Variants in LOC400499 observed in about 807,000 individuals in gnomAD.
the LOC400499 span, among the ~76,000 whole-genome samples, chr16:11,419,465 A>C: frequency 6.7e-6 from 1 of 148,576 alleles, no homozygotes. Context: ...TGGATTAAAG[A>C]CTTAAACGTT....
chr16:11,500,582 C>T, the LOC400499 span, among the ~76,000 whole-genome samples: 1 of 151,406 alleles, frequency 6.6e-6, no homozygotes, highest in African/African-American at 2.4e-5. Flanking sequence ...CCTGGGATCA[C>T]ACAGGTGGGA....
At chr16:11,485,911 G>A in the LOC400499 span, among the ~76,000 whole-genome samples, 4 of 152,196 alleles carry the variant, frequency 2.6e-5, no homozygotes, top group Admixed American at 6.6e-5. Flanking sequence ...AGATGGATGG[G>A]AAATTACAGG....
chr16:11,471,672 G>C, the LOC400499 span: 293 of 399,212 alleles, frequency 7.3e-4, no homozygotes, highest in East Asian at 0.01. Context: ...GCAGGGTATA[G>C]GCAGCTTCCA....
chr16:11,448,803 T>C, the LOC400499 span: 2 of 785,250 alleles, frequency 2.5e-6, no homozygotes, highest in East Asian at 5.8e-5. Context: ...AGGCCCAAGG[T>C]CACAGGCCAA....
chr16:11,422,776 G>A, the LOC400499 span, among the ~76,000 whole-genome samples: 2 of 152,178 alleles, frequency 1.3e-5, no homozygotes, highest in Non-Finnish European at 2.9e-5. Flanking sequence ...CTGCACCCTC[G>A]GCAGAGACAG....
At chr16:11,471,101 A>G in the LOC400499 span, among the ~76,000 whole-genome samples, 2 of 152,212 alleles carry the variant, frequency 1.3e-5, no homozygotes, top group African/African-American at 2.4e-5. Context: ...GGCAGTCTAC[A>G]CAGAGAAGGG....
chr16:11,480,189 T>C, the LOC400499 span, among the ~76,000 whole-genome samples: 2 of 152,366 alleles, frequency 1.3e-5, no homozygotes, highest in Non-Finnish European at 2.9e-5. Context: ...ACTGCACTGA[T>C]GCAGAATGTT....
the LOC400499 span, among the ~76,000 whole-genome samples, chr16:11,421,236 G>A: frequency 1.3e-5 from 2 of 152,166 alleles, no homozygotes; most frequent in African/African-American, 4.8e-5. Flanking sequence ...CCAGTGGGCA[G>A]AGCTGGGAAA....
At chr16:11,524,361 G>GCCCCCCCCCC in the LOC400499 span, among the ~76,000 whole-genome samples, 21 of 93,728 alleles carry the variant, frequency 2.2e-4, no homozygotes, top group African/African-American at 4.4e-4. Flanking sequence ...CATCCACCCA[G>GCCCCCCCCCC]CCACCCACCC....
the LOC400499 span, chr16:11,446,578 C>G: frequency 2.6e-6 from 4 of 1,536,030 alleles, no homozygotes; most frequent in South Asian, 4.8e-5. Context: ...AACCAGGCAC[C>G]CCTCTGTGTT....
the LOC400499 span, among the ~76,000 whole-genome samples, chr16:11,464,010 T>C: frequency 2.0e-5 from 3 of 152,198 alleles, no homozygotes; most frequent in African/African-American, 7.2e-5. Flanking sequence ...TGCATACAGA[T>C]ATGCATTTGG....
At chr16:11,460,091 C>A in the LOC400499 span, 1 of 1,308,408 alleles carries the variant, frequency 7.6e-7, no homozygotes, top group Non-Finnish European at 9.7e-7. Flanking sequence ...CCCATGGAGG[C>A]CCTGCCCACC....
At chr16:11,463,388 G>A in the LOC400499 span, among the ~76,000 whole-genome samples, 1 of 149,978 alleles carries the variant, frequency 6.7e-6, no homozygotes, top group African/African-American at 2.4e-5. Flanking sequence ...GCGGATGTGT[G>A]TGTATGAATG....
the LOC400499 span, among the ~76,000 whole-genome samples, chr16:11,420,001 G>A: frequency 6.6e-6 from 1 of 150,410 alleles, no homozygotes; most frequent in East Asian, 1.9e-4. Context: ...TGGTGGGACT[G>A]TAAACTAGTT....
the LOC400499 span, among the ~76,000 whole-genome samples, chr16:11,407,938 A>T: frequency 3.3e-5 from 5 of 151,692 alleles, no homozygotes; most frequent in African/African-American, 1.2e-4. Context: ...AAACCTACAA[A>T]AATGGAGTCT....
the LOC400499 span, among the ~76,000 whole-genome samples, chr16:11,520,091 G>A: frequency 6.6e-6 from 1 of 152,164 alleles, no homozygotes; most frequent in South Asian, 2.1e-4. Flanking sequence ...TCTGCAGGGT[G>A]GGAATTGGAA....
the LOC400499 span, among the ~76,000 whole-genome samples, chr16:11,503,920 G>A: frequency 6.6e-6 from 1 of 152,192 alleles, no homozygotes; most frequent in South Asian, 2.1e-4. Flanking sequence ...TCAGTTCCAG[G>A]CCTGCTTCCT....
At chr16:11,502,581 C>T in the LOC400499 span, among the ~76,000 whole-genome samples, 2 of 151,044 alleles carry the variant, frequency 1.3e-5, no homozygotes, top group East Asian at 1.9e-4. Context: ...AAATATTTAG[C>T]GAGGTGGCAA....
the LOC400499 span, chr16:11,487,260 A>G: frequency 5.0e-6 from 2 of 398,628 alleles, no homozygotes; most frequent in African/African-American, 2.1e-5. Flanking sequence ...CTCCCCTCTA[A>G]CCTCCAGAAG....
Sources: allele counts gnomAD v4.1 joint callset (sites outside exome capture counted in the v4.1 genomes callset), GRCh38; gene constraint gnomAD v4.1.1; transcripts MANE v1.5.